The following CACNA2D3 variants were observed in gnomAD, a reference collection of about 807,000 sequenced individuals.
CACNA2D3 encodes calcium voltage-gated channel auxiliary subunit alpha2delta 3.
Under a neutral mutation model 160.6 loss-of-function variants are expected in CACNA2D3, and 60 were observed. The observed-to-expected ratio is 0.37, with a 90% CI of 0.30 to 0.46. The LOEUF (loss-of-function observed/expected upper bound fraction) is 0.46, where lower values mean the gene tolerates loss of function less well. Ranked by LOEUF, CACNA2D3 falls within the 20% of genes least tolerant of loss-of-function variation. The pLI is 1.00. For synonymous variants in CACNA2D3, 558 were observed against 492.9 expected, an observed-to-expected ratio of 1.13 and a Z score of -1.75; for missense variants, 1,205 against 1,365.0, an observed-to-expected ratio of 0.88 and a Z score of 1.85.
intron 14 of CACNA2D3, among the ~76,000 whole-genome samples, chr3:54,826,992 G>A (rs1703762859): frequency 6.6e-6 from 1 of 152,160 alleles, no homozygotes; most frequent in South Asian, 2.1e-4. Context: ...TTCATTTAAT[G>A]CCTCCAAGAA....
chr3:55,003,553 G>A (rs1156822907), intron 31 of CACNA2D3, among the ~76,000 whole-genome samples: 1 of 152,142 alleles, frequency 6.6e-6, no homozygotes, highest in Non-Finnish European at 1.5e-5. Flanking sequence ...TAACCCAATG[G>A]GGTACAGATG....
chr3:54,831,579 A>G (rs1703878501), intron 14 of CACNA2D3, among the ~76,000 whole-genome samples: 1 of 152,240 alleles, frequency 6.6e-6, no homozygotes, highest in African/African-American at 2.4e-5. Context: ...TAGTGACAAT[A>G]GTCTTTTATA....
chr3:54,320,225 G>T (rs1480715451), intron 2 of CACNA2D3, among the ~76,000 whole-genome samples: 1 of 152,218 alleles, frequency 6.6e-6, no homozygotes. Flanking sequence ...TTTCCTGGGT[G>T]CTGGTTAAGT....
At chr3:54,808,526 C>A (rs139152178) in intron 13 of CACNA2D3, among the ~76,000 whole-genome samples, 7 of 152,246 alleles carry the variant, frequency 4.6e-5, no homozygotes, top group African/African-American at 1.7e-4. Flanking sequence ...TTAGGTCACA[C>A]GTCTACCCTG....
chr3:54,548,569 C>T (rs1419078041), intron 5 of CACNA2D3, among the ~76,000 whole-genome samples: 1 of 152,196 alleles, frequency 6.6e-6, no homozygotes, highest in African/African-American at 2.4e-5. Flanking sequence ...CCTGGCCATT[C>T]TGATCCCCAA....
At chr3:54,988,621 C>T (rs749895981) in intron 31 of CACNA2D3, among the ~76,000 whole-genome samples, 5 of 152,184 alleles carry the variant, frequency 3.3e-5, no homozygotes, top group Non-Finnish European at 7.3e-5. Flanking sequence ...CATTGCACAT[C>T]GGTGGCCAGT....
intron 2 of CACNA2D3, among the ~76,000 whole-genome samples, chr3:54,285,371 G>A (rs1575368249): frequency 6.6e-6 from 1 of 152,332 alleles, no homozygotes; most frequent in East Asian, 1.9e-4. Context: ...AGGCGGCAGC[G>A]AGGCTGGGGG....
intron 31 of CACNA2D3, among the ~76,000 whole-genome samples, chr3:55,002,549 T>C (rs1428779286): frequency 1.3e-5 from 2 of 152,226 alleles, no homozygotes; most frequent in African/African-American, 4.8e-5. Context: ...AGCGTTTCTG[T>C]GAGAAGTTTG....
rs144785621 is a variant in CACNA2D3, at chr3:54,692,730, G to A, written c.1167+50489G>A. ...ATCAACTCACCAAAAGGCAGGATGG[G>A]CTGTAGACCAGTTACAGGTTTCTTT... On this transcript the variant is annotated intron_variant, in intron 11 of 37. Coordinates refer to ENST00000474759, the MANE Select transcript of CACNA2D3 (RefSeq NM_018398.3). 3.8e-4 allele frequency among the ~76,000 whole-genome samples: 58 copies of A among 152,302 alleles called. No individual in the cohort carries two copies. The Middle Eastern group carries it at 0.01, about 27-fold the overall frequency.
chr3:54,661,019 G>A (rs576031208), intron 11 of CACNA2D3, among the ~76,000 whole-genome samples: 17 of 152,282 alleles, frequency 1.1e-4, no homozygotes, highest in South Asian at 6.2e-4. Flanking sequence ...GCTGCCTGCC[G>A]CTTGCCGAGC....
At chr3:54,825,500 T>C (rs1331339518) in intron 14 of CACNA2D3, among the ~76,000 whole-genome samples, 2 of 152,224 alleles carry the variant, frequency 1.3e-5, no homozygotes, top group Non-Finnish European at 1.5e-5. Flanking sequence ...TTTTGGGGTC[T>C]CTTCCGTATT....
chr3:54,914,193 G>A (rs1385421590), intron 27 of CACNA2D3, among the ~76,000 whole-genome samples: 1 of 151,982 alleles, frequency 6.6e-6, no homozygotes, highest in African/African-American at 2.4e-5. Context: ...GTAAAATAAG[G>A]ACATGGAACT....
chr3:54,504,733 A>C (rs1344336686), intron 5 of CACNA2D3, among the ~76,000 whole-genome samples: 1 of 152,188 alleles, frequency 6.6e-6, no homozygotes, highest in Admixed American at 6.5e-5. Flanking sequence ...AGTCAAGAGC[A>C]AGGGCTATGG....
chr3:54,682,187 ACACAC>A (rs1700364481), intron 11 of CACNA2D3, among the ~76,000 whole-genome samples: 2 of 152,030 alleles, frequency 1.3e-5, no homozygotes, highest in Non-Finnish European at 2.9e-5. Context: ...ACACACACAC[ACACAC>A]ACCACAAAAC....
At chr3:54,952,989 T>C (rs768441176) in intron 27 of CACNA2D3, among the ~76,000 whole-genome samples, 4 of 152,158 alleles carry the variant, frequency 2.6e-5, no homozygotes, top group Non-Finnish European at 5.9e-5. Flanking sequence ...GTCTGCTTAG[T>C]GGATGGATTG....
At chr3:54,506,728 C>T (rs1304219875) in intron 5 of CACNA2D3, among the ~76,000 whole-genome samples, 3 of 152,200 alleles carry the variant, frequency 2.0e-5, no homozygotes, top group Non-Finnish European at 2.9e-5. Flanking sequence ...GAAACTCCTT[C>T]AGCAGATGTT....
intron 11 of CACNA2D3, among the ~76,000 whole-genome samples, chr3:54,740,497 C>T (rs1005599913): frequency 6.6e-6 from 1 of 151,934 alleles, no homozygotes; most frequent in Non-Finnish European, 1.5e-5. Flanking sequence ...TATTAGAGTC[C>T]CTGGAAGGGC....
intron 3 of CACNA2D3, among the ~76,000 whole-genome samples, chr3:54,348,609 C>T (rs557224991): frequency 7.9e-5 from 12 of 152,348 alleles, no homozygotes; most frequent in African/African-American, 2.6e-4. Context: ...TTGGCCGTAA[C>T]TCAAGTTTTT....
At chr3:54,133,899 G>A (rs886482126) in intron 2 of CACNA2D3, among the ~76,000 whole-genome samples, 89 of 152,174 alleles carry the variant, frequency 5.8e-4, no homozygotes, top group Admixed American at 4.6e-4. Context: ...TGGATTCTTA[G>A]CGTTCAGGGC....
Sources: allele counts gnomAD v4.1 joint callset (sites outside exome capture counted in the v4.1 genomes callset), GRCh38; gene constraint gnomAD v4.1.1; transcripts MANE v1.5; gene names NCBI Gene and HGNC (gene_info 2026-07-23, HGNC 2026-07-21).